The following RUNX1 variants were observed in gnomAD, a reference collection of about 807,000 sequenced individuals.
The protein encoded by RUNX1 is runt-related transcription factor 1.
RUNX1 carries 19 observed loss-of-function variants against 42.8 expected under a neutral mutation model. The ratio of observed to expected loss-of-function variants is 0.44; its 90% CI spans 0.31 to 0.65. The LOEUF (loss-of-function observed/expected upper bound fraction) is 0.65, where lower values mean the gene tolerates loss of function less well. Among genes scored for constraint, RUNX1 ranks in the 30% least tolerant of loss-of-function variants. The probability of loss-of-function intolerance (pLI) is 0.07; values close to 1 mark genes in which losing one functional copy is unlikely to be tolerated. For missense variants in RUNX1, 528 were observed against 672.0 expected (o/e 0.79, Z 2.37); for synonymous variants, 271 against 289.4 (o/e 0.94, Z 0.64).
intron 2 of RUNX1, among the ~76,000 whole-genome samples, chr21:35,018,798 T>G (rs570144037): frequency 2.6e-5 from 4 of 152,108 alleles, no homozygotes; most frequent in South Asian, 4.2e-4. Flanking sequence ...CCTCCCACAG[T>G]CCCCCTCAGT....
intron 7 of RUNX1, among the ~76,000 whole-genome samples, chr21:34,827,141 T>G (rs1360687204): frequency 6.6e-6 from 1 of 151,942 alleles, no homozygotes; most frequent in African/African-American, 2.4e-5. Flanking sequence ...GAAACTGGAG[T>G]AAAGGCCATA....
intron 5 of RUNX1, among the ~76,000 whole-genome samples, chr21:34,868,649 A>G (rs1186818373): frequency 6.6e-6 from 1 of 152,184 alleles, no homozygotes; most frequent in Non-Finnish European, 1.5e-5. Context: ...AGACCCTCTG[A>G]ACCTTCACCA....
At chr21:34,834,057 C>A in intron 7 of RUNX1, 1 of 459,034 alleles carries the variant, frequency 2.2e-6, no homozygotes, top group Non-Finnish European at 4.2e-6. Context: ...GTCTTCAAGC[C>A]TAATGGGTAG....
At chr21:34,886,514 G>A (rs2057989831) in intron 4 of RUNX1, among the ~76,000 whole-genome samples, 1 of 152,228 alleles carries the variant, frequency 6.6e-6, no homozygotes, top group African/African-American at 2.4e-5. Flanking sequence ...GGCTGTCTCT[G>A]CCGGGCTGGG....
At chr21:34,923,382 C>T (rs990916576) in intron 2 of RUNX1, among the ~76,000 whole-genome samples, 2 of 152,108 alleles carry the variant, frequency 1.3e-5, no homozygotes, top group Admixed American at 1.3e-4. Context: ...TGTGAAGAAA[C>T]TGAATAGTGA....
chr21:34,823,998 A>C (rs73362051), intron 7 of RUNX1, among the ~76,000 whole-genome samples: 2,042 of 152,304 alleles, frequency 0.013, 43 homozygotes, highest in African/African-American at 0.046. Context: ...TCTAAACCCT[A>C]AAAATGACCC....
chr21:34,859,692 T>G, intron 5 of RUNX1, 114 bp from the exon 6 acceptor site: 1 of 901,016 alleles, frequency 1.1e-6, no homozygotes, highest in Non-Finnish European at 1.9e-6. Context: ...GTTACCAGTT[T>G]TGACAACACT....
chr21:34,965,539 A>C (rs1407365404), intron 2 of RUNX1, among the ~76,000 whole-genome samples: 1 of 149,828 alleles, frequency 6.7e-6, no homozygotes, highest in Admixed American at 6.6e-5. Context: ...AAAAAAGAGA[A>C]AAAAAGCTTT....
chr21:34,844,226 C>T (rs987639660), intron 6 of RUNX1, among the ~76,000 whole-genome samples: 3 of 152,140 alleles, frequency 2.0e-5, no homozygotes, highest in Non-Finnish European at 2.9e-5. Flanking sequence ...GTATTGGTGG[C>T]GGGTGGCGCA....
chr21:34,817,270 T>A (rs2056840006), intron 7 of RUNX1, among the ~76,000 whole-genome samples: 1 of 152,212 alleles, frequency 6.6e-6, no homozygotes, highest in Non-Finnish European at 1.5e-5. Flanking sequence ...TCTGAAAAGT[T>A]GTCCTTTTGT....
intron 2 of RUNX1, among the ~76,000 whole-genome samples, chr21:34,980,370 G>T (rs958886307): frequency 2.6e-5 from 4 of 152,206 alleles, no homozygotes; most frequent in African/African-American, 9.7e-5. Flanking sequence ...ACATTTATCA[G>T]GTCCTACGTA....
At chr21:34,950,705 C>G (rs1168058899) in intron 2 of RUNX1, among the ~76,000 whole-genome samples, 1 of 152,218 alleles carries the variant, frequency 6.6e-6, no homozygotes, top group African/African-American at 2.4e-5. Flanking sequence ...CACTGCACTC[C>G]AGCCTGGGAA....
chr21:34,856,366 G>C (rs375138672), intron 6 of RUNX1: 2 of 519,018 alleles, frequency 3.9e-6, no homozygotes, highest in Middle Eastern at 3.2e-4. Context: ...GACAGTCTTC[G>C]AGATGAGCCA....
intron 7 of RUNX1, among the ~76,000 whole-genome samples, chr21:34,814,004 A>G (rs2056791889): frequency 6.6e-6 from 1 of 152,134 alleles, no homozygotes; most frequent in Non-Finnish European, 1.5e-5. Flanking sequence ...CCATCAATCT[A>G]GTTACCATGT....
chr21:34,805,918 T>A (rs905490780), intron 7 of RUNX1, among the ~76,000 whole-genome samples: 6 of 152,212 alleles, frequency 3.9e-5, no homozygotes, highest in African/African-American at 4.8e-5. Flanking sequence ...TATTTGATGC[T>A]AGATGTAGAT....
intron 2 of RUNX1, among the ~76,000 whole-genome samples, chr21:34,985,430 T>A (rs1215819390): frequency 6.6e-6 from 1 of 152,146 alleles, no homozygotes; most frequent in Non-Finnish European, 1.5e-5. Flanking sequence ...GTACAATCTG[T>A]AGGAGTGGAA....
At chr21:35,004,450 G>A (rs988014902) in intron 2 of RUNX1, among the ~76,000 whole-genome samples, 10 of 152,130 alleles carry the variant, frequency 6.6e-5, no homozygotes, top group African/African-American at 2.4e-4. Context: ...ACATCTCAAG[G>A]GACTATGAAA....
At chr21:35,043,156 T>A (rs1017790941) in intron 2 of RUNX1, among the ~76,000 whole-genome samples, 2 of 152,182 alleles carry the variant, frequency 1.3e-5, no homozygotes, top group Admixed American at 1.3e-4. Flanking sequence ...CGTAAAGTAC[T>A]CCCTGATTGT....
rs1026377797 is a variant in RUNX1, at chr21:34,790,304, G to A, written c.*1831C>T. 16 of 233,420 alleles carry A rather than the reference G, an allele frequency of 6.9e-5. No individual in the cohort carries two copies. The highest frequency in any genetic ancestry group is 3.5e-4 in the African/African-American group (16 of 45,338). The allele number at this position is 233,420 out of a possible 1,614,324, so 14.5% of individuals were successfully genotyped here. A position where few individuals can be genotyped will look rare whatever the true frequency, so the allele number is the denominator to read the frequency against. On this transcript the variant is annotated 3_prime_UTR_variant, in exon 9 of 9. Coordinates refer to ENST00000675419, the MANE Select transcript of RUNX1 (RefSeq NM_001754.5). ...TTTTGCTGCCTGCAGCCAAAGATTT[G>A]CCTAATTTGAATGCTTAAATTTATA... is the stretch of plus-strand genomic sequence containing the variant.
Sources: gnomAD v4.1 joint callset for allele counts (sites outside exome capture counted in the v4.1 genomes callset) on GRCh38, gnomAD v4.1.1 for gene constraint, MANE v1.5 for transcripts, NCBI Gene and HGNC (gene_info 2026-07-23, HGNC 2026-07-21) for gene names.